FGF10: variants seen among roughly 807,000 people sequenced by gnomAD.
FGF10 encodes the protein FGF-10.
A neutral mutation model predicts 19.8 loss-of-function variants in FGF10; 2 were observed. The ratio of observed to expected loss-of-function variants is 0.10; its 90% CI spans 0.04 to 0.32. FGF10 has a LOEUF of 0.32. FGF10 is among the 10% of genes least tolerant of loss of function. The pLI, the probability that FGF10 is intolerant of heterozygous loss-of-function variation, is 1.00. For missense variants in FGF10, 191 were observed against 246.3 expected (o/e 0.78, Z 1.50); for synonymous variants, 112 against 94.0 (o/e 1.19, Z -1.10).
intron 1 of FGF10, among the ~76,000 whole-genome samples, chr5:44,320,855 C>T (rs1037936915): frequency 1.3e-5 from 2 of 152,046 alleles, no homozygotes; most frequent in Admixed American, 6.5e-5. Context: ...GCTGGAACCA[C>T]AGGCATGTGC....
chr5:44,333,558 T>G (rs1474948317), intron 1 of FGF10, among the ~76,000 whole-genome samples: 1 of 152,184 alleles, frequency 6.6e-6, no homozygotes, highest in Non-Finnish European at 1.5e-5. Flanking sequence ...GGCCATTATT[T>G]TGATGGCCCC....
At chr5:44,353,809 G>A (rs576561106) in intron 1 of FGF10, among the ~76,000 whole-genome samples, 1 of 151,418 alleles carries the variant, frequency 6.6e-6, no homozygotes, top group East Asian at 2.0e-4. Context: ...CTGGGGGGCG[G>A]GGGCTCTTCT....
intron 1 of FGF10, among the ~76,000 whole-genome samples, chr5:44,311,315 G>A (rs1396477716): frequency 6.6e-6 from 1 of 152,048 alleles, no homozygotes; most frequent in African/African-American, 2.4e-5. Flanking sequence ...ATCACAATAG[G>A]GAAGTCAGTT....
intron 1 of FGF10, among the ~76,000 whole-genome samples, chr5:44,312,215 C>A (rs1243000508): frequency 6.6e-6 from 1 of 151,684 alleles, no homozygotes; most frequent in African/African-American, 2.4e-5. Context: ...CACACACACA[C>A]ACGCACATTT....
At chr5:44,315,989 G>A (rs1358205108) in intron 1 of FGF10, among the ~76,000 whole-genome samples, 3 of 152,156 alleles carry the variant, frequency 2.0e-5, no homozygotes, top group African/African-American at 7.2e-5. Context: ...CACACAGCGG[G>A]AGGCAAGCCA....
chr5:44,382,389 ACTGGGT>A (rs1742004539), intron 1 of FGF10, among the ~76,000 whole-genome samples: 1 of 152,218 alleles, frequency 6.6e-6, no homozygotes, highest in African/African-American at 2.4e-5. Context: ...CAAATTAAGT[ACTGGGT>A]TTTAAACTGA....
chr5:44,384,861 A>G (rs1024791778), intron 1 of FGF10, among the ~76,000 whole-genome samples: 6 of 152,004 alleles, frequency 3.9e-5, no homozygotes, highest in African/African-American at 1.4e-4. Context: ...CCTTTTTGGA[A>G]TATCTATTCT....
At chr5:44,356,590 G>A (rs1741352466) in intron 1 of FGF10, among the ~76,000 whole-genome samples, 1 of 151,162 alleles carries the variant, frequency 6.6e-6, no homozygotes, top group Non-Finnish European at 1.5e-5. Flanking sequence ...TTCTAATATC[G>A]GTGTCCCAGG....
chr5:44,314,512 T>C (rs537225582), intron 1 of FGF10, among the ~76,000 whole-genome samples: 104 of 152,270 alleles, frequency 6.8e-4, no homozygotes, highest in African/African-American at 2.4e-3. Flanking sequence ...ACTTTGCGAA[T>C]GTTCCCTCAT....
intron 1 of FGF10, among the ~76,000 whole-genome samples, chr5:44,360,721 G>C (rs1052430684): frequency 6.6e-6 from 1 of 151,594 alleles, no homozygotes; most frequent in Admixed American, 6.6e-5. Flanking sequence ...AAATCTTAAT[G>C]TCTCTTTATA....
chr5:44,383,117 A>G (rs1742019156), intron 1 of FGF10, among the ~76,000 whole-genome samples: 1 of 151,836 alleles, frequency 6.6e-6, no homozygotes, highest in South Asian at 2.1e-4. Context: ...AATGGGAGGA[A>G]CATTAGTTCC....
At chr5:44,374,543 C>T (rs1439407995) in intron 1 of FGF10, among the ~76,000 whole-genome samples, 2 of 152,098 alleles carry the variant, frequency 1.3e-5, no homozygotes, top group Non-Finnish European at 2.9e-5. Flanking sequence ...GTTCAATACA[C>T]TCATATTATA....
chr5:44,318,741 G>A (rs1740414048), intron 1 of FGF10, among the ~76,000 whole-genome samples: 1 of 152,056 alleles, frequency 6.6e-6, no homozygotes, highest in African/African-American at 2.4e-5. Flanking sequence ...GATCTATTAT[G>A]ATACAGAAGC....
At chr5:44,374,502 T>C (rs1272039247) in intron 1 of FGF10, among the ~76,000 whole-genome samples, 2 of 152,184 alleles carry the variant, frequency 1.3e-5, no homozygotes, top group African/African-American at 4.8e-5. Context: ...GAAATAAATA[T>C]ACTAAACTAA....
At chr5:44,350,083 A>G (rs1049685251) in intron 1 of FGF10, among the ~76,000 whole-genome samples, 1 of 151,156 alleles carries the variant, frequency 6.6e-6, no homozygotes, top group Admixed American at 6.6e-5. Context: ...TCTAGAGTTG[A>G]AATTGTCCAC....
At chr5:44,329,365 C>T (rs1213163105) in intron 1 of FGF10, among the ~76,000 whole-genome samples, 5 of 152,012 alleles carry the variant, frequency 3.3e-5, no homozygotes, top group East Asian at 3.9e-4. Flanking sequence ...TTAGTAGACG[C>T]GGGGTTTCAC....
rs188753665 is a variant in FGF10 at position 44,354,357 on chromosome 5, C to T, written c.325+34001G>A. Among the ~76,000 whole-genome samples, 4 of 151,500 alleles carry T rather than the reference C, an allele frequency of 2.6e-5. No individual in the cohort carries two copies. The East Asian group carries it at 7.8e-4, about 30-fold the overall frequency. On this transcript the variant is annotated intron_variant, in intron 1 of 2. Transcript: ENST00000264664. ...GAAGGCATATTTTTAATTAAAAGTG[C>T]TTATTAAATCATTAAAATAATATAA... is the stretch of plus-strand genomic sequence containing the variant.
At chr5:44,349,460 ATATATATATCAGAATATATATATATATC>A in intron 1 of FGF10, among the ~76,000 whole-genome samples, 2 of 32,358 alleles carry the variant, frequency 6.2e-5, no homozygotes, top group African/African-American at 2.3e-4. Flanking sequence ...ATATATATAT[ATATATATATCAGAATATATATATATATC>A]AGAATATATA....
At chr5:44,342,846 G>T (rs760834382) in intron 1 of FGF10, among the ~76,000 whole-genome samples, 1 of 151,910 alleles carries the variant, frequency 6.6e-6, no homozygotes, top group African/African-American at 2.4e-5. Context: ...CAATTCTAGC[G>T]GAGTAAAGTG....
Sources: gnomAD v4.1 joint callset for allele counts (sites outside exome capture counted in the v4.1 genomes callset) on GRCh38, gnomAD v4.1.1 for gene constraint, MANE v1.5 for transcripts, NCBI Gene and HGNC (gene_info 2026-07-23, HGNC 2026-07-21) for gene names.